The following TENM4 variants were observed in gnomAD, a reference collection of about 807,000 sequenced individuals.
The protein encoded by TENM4 is teneurin transmembrane protein 4, also known as teneurin-4.
Under a neutral mutation model 243.3 loss-of-function variants are expected in TENM4, and 82 were observed. The observed-to-expected ratio is 0.34, with a 90% CI of 0.28 to 0.40. The LOEUF is 0.40. TENM4 is among the 10% of genes least tolerant of loss of function. TENM4 has a pLI of 1.00. For synonymous variants in TENM4, 1,412 were observed against 1,456.3 expected (o/e 0.97, Z 0.69); for missense variants, 3,138 against 3,673.3 (o/e 0.85, Z 3.77).
chr11:78,851,362 AAAG>A (rs1347069953), intron 12 of TENM4, among the ~76,000 whole-genome samples: 9 of 152,206 alleles, frequency 5.9e-5, no homozygotes. Context: ...ACCAAAGGGA[AAAG>A]AAGACCGTCT....
intron 2 of TENM4, among the ~76,000 whole-genome samples, chr11:79,294,898 AT>A (rs1856423314): frequency 6.6e-6 from 1 of 152,134 alleles, no homozygotes; most frequent in Admixed American, 6.5e-5. Context: ...GTGTTCCATT[AT>A]ACAAAGCATG....
At chr11:79,379,870 C>T (rs1243642281) in intron 1 of TENM4, among the ~76,000 whole-genome samples, 1 of 152,092 alleles carries the variant, frequency 6.6e-6, no homozygotes, top group Non-Finnish European at 1.5e-5. Flanking sequence ...AGGAACGGGG[C>T]TAATGGTGGT....
intron 15 of TENM4, among the ~76,000 whole-genome samples, chr11:78,798,267 G>A (rs1266145048): frequency 6.6e-6 from 1 of 152,146 alleles, no homozygotes; most frequent in African/African-American, 2.4e-5. Context: ...GCTTATTTTT[G>A]TTAAAGCATT....
chr11:78,767,123 C>A (rs1192957664), intron 18 of TENM4, among the ~76,000 whole-genome samples: 4 of 152,172 alleles, frequency 2.6e-5, no homozygotes, highest in African/African-American at 9.7e-5. Flanking sequence ...TGAAGGGCTA[C>A]AGGGATCTAC....
intron 26 of TENM4, among the ~76,000 whole-genome samples, chr11:78,708,994 G>A (rs1400260088): frequency 7.3e-6 from 1 of 136,728 alleles, no homozygotes; most frequent in South Asian, 2.2e-4. Flanking sequence ...TAAAAAAAGA[G>A]TCTCGTTCTG....
intron 12 of TENM4, among the ~76,000 whole-genome samples, chr11:78,845,378 G>C (rs1858365644): frequency 6.6e-6 from 1 of 152,200 alleles, no homozygotes; most frequent in Admixed American, 6.5e-5. Flanking sequence ...AGTTTGGTGA[G>C]GGTAAGACTT....
intron 6 of TENM4, among the ~76,000 whole-genome samples, chr11:78,920,543 C>T (rs1856425971): frequency 6.6e-6 from 1 of 152,110 alleles, no homozygotes; most frequent in South Asian, 2.1e-4. Flanking sequence ...CTCGTCCTCT[C>T]GCTGCATTAC....
At chr11:78,820,726 A>G (rs1224324213) in intron 12 of TENM4, among the ~76,000 whole-genome samples, 3 of 152,236 alleles carry the variant, frequency 2.0e-5, no homozygotes, top group African/African-American at 7.2e-5. Flanking sequence ...GAAACTCCCC[A>G]TGGTAAAAAC....
At chr11:79,363,421 C>T (rs1024263374) in intron 1 of TENM4, among the ~76,000 whole-genome samples, 2 of 152,198 alleles carry the variant, frequency 1.3e-5, no homozygotes, top group Non-Finnish European at 1.5e-5. Context: ...AAATAACCTG[C>T]GATGTAATAA....
intron 2 of TENM4, among the ~76,000 whole-genome samples, chr11:79,294,490 G>C (rs964417693): frequency 6.6e-6 from 1 of 152,168 alleles, no homozygotes; most frequent in Non-Finnish European, 1.5e-5. Flanking sequence ...GCTTGTGCAG[G>C]ACACACCCTC....
At chr11:79,363,049 A>G (rs1857617907) in intron 1 of TENM4, among the ~76,000 whole-genome samples, 1 of 152,186 alleles carries the variant, frequency 6.6e-6, no homozygotes. Flanking sequence ...ACACAGGTGG[A>G]TTGCAACTCC....
chr11:79,220,832 T>C (rs1425148028), intron 2 of TENM4: 1 of 152,194 alleles, frequency 6.6e-6, no homozygotes, highest in Non-Finnish European at 1.5e-5. Context: ...TTGAGATCTG[T>C]ACAAACTACA....
intron 6 of TENM4, among the ~76,000 whole-genome samples, chr11:78,977,195 C>T (rs971424941): frequency 2.6e-5 from 4 of 152,180 alleles, no homozygotes; most frequent in East Asian, 1.9e-4. Flanking sequence ...GTGCTCCCTG[C>T]GTGGCGCTGC....
At chr11:79,322,651 GA>G (rs1565299021) in intron 1 of TENM4, among the ~76,000 whole-genome samples, 1 of 151,534 alleles carries the variant, frequency 6.6e-6, no homozygotes, top group African/African-American at 2.4e-5. Context: ...ATGAGAAAGG[GA>G]AAAAAAAGAC....
intron 6 of TENM4, among the ~76,000 whole-genome samples, chr11:78,992,337 C>T (rs1267080915): frequency 3.9e-5 from 6 of 152,344 alleles, no homozygotes; most frequent in South Asian, 4.1e-4. Flanking sequence ...TGACCTCTTC[C>T]GGGAAGTCCT....
chr11:78,982,480 G>A (rs918765684), intron 6 of TENM4, among the ~76,000 whole-genome samples: 6 of 152,086 alleles, frequency 3.9e-5, no homozygotes, highest in South Asian at 2.1e-4. Flanking sequence ...CACCCTGGGC[G>A]CAAGTCTCAG....
At chr11:78,971,070 T>C (rs1323139736) in intron 6 of TENM4, among the ~76,000 whole-genome samples, 4 of 152,270 alleles carry the variant, frequency 2.6e-5, no homozygotes, top group Non-Finnish European at 5.9e-5. Flanking sequence ...TAGAATGTAG[T>C]GGCTATTCAC....
At chr11:79,016,227 T>A (rs1427456667) in intron 6 of TENM4, among the ~76,000 whole-genome samples, 1 of 152,160 alleles carries the variant, frequency 6.6e-6, no homozygotes. Context: ...AAATGTAAAC[T>A]GGGTATCCCA....
chr11:79,380,879 G>A (rs1857987446), intron 1 of TENM4, among the ~76,000 whole-genome samples: 1 of 152,206 alleles, frequency 6.6e-6, no homozygotes, highest in Admixed American at 6.5e-5. Context: ...TCGAAGAATA[G>A]AGGCTGTGTA....
Sources: allele counts gnomAD v4.1 joint callset (sites outside exome capture counted in the v4.1 genomes callset), GRCh38; gene constraint gnomAD v4.1.1; transcripts MANE v1.5; gene names NCBI Gene and HGNC (gene_info 2026-07-23, HGNC 2026-07-21).